The following GALNT13 variants were observed in gnomAD, a reference collection of about 807,000 sequenced individuals.
GALNT13 encodes UDP-GalNAc:polypeptide N-acetylgalactosaminyltransferase 13.
GALNT13 carries 28 observed loss-of-function variants against 64.2 expected under a neutral mutation model. That is an observed-to-expected ratio of 0.44 (90% CI 0.32 to 0.60). The LOEUF (loss-of-function observed/expected upper bound fraction) is 0.60. GALNT13 is among the 20% of genes least tolerant of loss of function. GALNT13 has a pLI of 0.05. For synonymous variants in GALNT13, 214 were observed against 224.6 expected (o/e 0.95, Z 0.42); for missense variants, 577 against 669.8 (o/e 0.86, Z 1.53).
chr2:153,565,163 A>T, the GALNT13 span, among the ~76,000 whole-genome samples: 1 of 152,146 alleles, frequency 6.6e-6, no homozygotes, highest in Admixed American at 6.5e-5. Context: ...GCGTTGTTTT[A>T]AGCTGCTAAG....
chr2:153,728,935 C>T, the GALNT13 span, among the ~76,000 whole-genome samples: 1 of 151,990 alleles, frequency 6.6e-6, no homozygotes, highest in Non-Finnish European at 1.5e-5. Flanking sequence ...AAGACTGAAC[C>T]AGGAAGAAGT....
the GALNT13 span, among the ~76,000 whole-genome samples, chr2:153,488,843 C>T: frequency 1.8e-4 from 27 of 152,270 alleles, no homozygotes; most frequent in Non-Finnish European, 2.5e-4. Context: ...ATAAGTGCTC[C>T]TCCCTTATTA....
the GALNT13 span, among the ~76,000 whole-genome samples, chr2:153,822,818 A>G: frequency 6.6e-6 from 1 of 152,222 alleles, no homozygotes; most frequent in Non-Finnish European, 1.5e-5. Flanking sequence ...CAAATAGGGA[A>G]ACAAGAAGTC....
intron 9 of GALNT13, among the ~76,000 whole-genome samples, chr2:154,342,251 AT>A (rs978452153): frequency 3.9e-5 from 6 of 152,112 alleles, no homozygotes; most frequent in Non-Finnish European, 8.8e-5. Context: ...GTAGGAAAAA[AT>A]GATCTAATAA....
chr2:153,596,442 G>C, the GALNT13 span, among the ~76,000 whole-genome samples: 1 of 152,016 alleles, frequency 6.6e-6, no homozygotes, highest in Non-Finnish European at 1.5e-5. Flanking sequence ...ATTACTCTTA[G>C]TAATAAGCCT....
the GALNT13 span, among the ~76,000 whole-genome samples, chr2:153,379,622 G>T: frequency 6.6e-6 from 1 of 152,146 alleles, no homozygotes; most frequent in East Asian, 1.9e-4. Context: ...GGTCTACGAA[G>T]AAGTTGGGAC....
At chr2:153,683,391 C>T in the GALNT13 span, among the ~76,000 whole-genome samples, 73,781 of 151,182 alleles carry the variant, frequency 0.49, 18,462 homozygotes, top group African/African-American at 0.54. Flanking sequence ...GATTTTAGCT[C>T]AACAAATTTT....
chr2:153,245,045 G>T, the GALNT13 span, among the ~76,000 whole-genome samples: 22 of 152,226 alleles, frequency 1.4e-4, 1 homozygote, highest in Non-Finnish European at 2.8e-4. Context: ...TGGCAAAGCC[G>T]CTGTGACCAG....
chr2:154,244,927 C>A (rs1348395518), intron 6 of GALNT13, among the ~76,000 whole-genome samples: 1 of 151,890 alleles, frequency 6.6e-6, no homozygotes, highest in Admixed American at 6.6e-5. Context: ...TCGAGACCAA[C>A]CTAGCCAACA....
Position 154,124,770 on chromosome 2 carries a change from T to C in GALNT13, c.143-15567T>C, listed in dbSNP as rs1682159376. Among the ~76,000 whole-genome samples the C allele has an allele frequency of 1.3e-5, 2 of 152,242 alleles. 1 individual carries two copies. Among genetic ancestry groups the C allele is most frequent in the East Asian group, 3.9e-4 (2 of 5,180 alleles). Reference sequence around the variant, plus strand: ...TTAAGTTAAATCGATTAAGAATATATTGTGCTCTGAAAATTCTTCAATGAA... The same window carrying C: ...TTAAGTTAAATCGATTAAGAATATACTGTGCTCTGAAAATTCTTCAATGAA... On this transcript the variant is annotated intron_variant, in intron 3 of 12. Coordinates refer to ENST00000392825, the MANE Select transcript of GALNT13 (RefSeq NM_052917.4).
the GALNT13 span, among the ~76,000 whole-genome samples, chr2:153,074,193 T>C: frequency 6.6e-6 from 1 of 152,192 alleles, no homozygotes; most frequent in African/African-American, 2.4e-5. Flanking sequence ...TCCTTATTTA[T>C]TTGCTAGGAT....
At chr2:153,362,470 T>A in the GALNT13 span, among the ~76,000 whole-genome samples, 1 of 149,424 alleles carries the variant, frequency 6.7e-6, no homozygotes, top group African/African-American at 2.5e-5. Context: ...CGTGTACTAT[T>A]TTCGGGAGAC....
intron 2 of GALNT13, among the ~76,000 whole-genome samples, chr2:153,904,845 T>A (rs146287292): frequency 1.3e-5 from 2 of 151,964 alleles, no homozygotes; most frequent in East Asian, 3.9e-4. Flanking sequence ...TTTTTGTGAG[T>A]GATGTGAGGT....
intron 3 of GALNT13, among the ~76,000 whole-genome samples, chr2:153,978,183 G>A (rs1377147000): frequency 6.6e-6 from 1 of 152,150 alleles, no homozygotes; most frequent in African/African-American, 2.4e-5. Context: ...CTAAACTGCT[G>A]CTTTCATGCT....
the GALNT13 span, among the ~76,000 whole-genome samples, chr2:153,280,927 C>T: frequency 1.3e-5 from 2 of 152,186 alleles, no homozygotes; most frequent in African/African-American, 4.8e-5. Context: ...TGTTACTTTT[C>T]TGTCTGGATG....
chr2:153,083,924 G>C, the GALNT13 span, among the ~76,000 whole-genome samples: 1 of 152,206 alleles, frequency 6.6e-6, no homozygotes, highest in African/African-American at 2.4e-5. Flanking sequence ...TAAGGTGAGA[G>C]ATGAGGATCC....
the GALNT13 span, among the ~76,000 whole-genome samples, chr2:153,514,298 C>G: frequency 6.6e-6 from 1 of 152,124 alleles, no homozygotes; most frequent in Admixed American, 6.5e-5. Flanking sequence ...GACTATATTT[C>G]TCAAGCCCAC....
chr2:153,748,077 GT>G, the GALNT13 span, among the ~76,000 whole-genome samples: 1 of 152,136 alleles, frequency 6.6e-6, no homozygotes, highest in East Asian at 1.9e-4. Flanking sequence ...AGTAATTGTA[GT>G]TTTTGCCATT....
intron 3 of GALNT13, among the ~76,000 whole-genome samples, chr2:154,127,577 CA>C (rs1453327873): frequency 6.7e-6 from 1 of 150,228 alleles, no homozygotes; most frequent in East Asian, 2.0e-4. Flanking sequence ...TATTATAAAA[CA>C]AAAAAAGGAG....
Sources: allele counts gnomAD v4.1 joint callset (sites outside exome capture counted in the v4.1 genomes callset), GRCh38; gene constraint gnomAD v4.1.1; transcripts MANE v1.5; gene names NCBI Gene and HGNC (gene_info 2026-07-23, HGNC 2026-07-21).